The following CSNK1A1 variants were observed in gnomAD, a reference collection of about 807,000 sequenced individuals.
The protein encoded by CSNK1A1 is casein kinase I isoform alpha.
A neutral mutation model predicts 46.1 loss-of-function variants in CSNK1A1; 7 were observed. That is an observed-to-expected ratio of 0.15 (90% confidence interval 0.09 to 0.29). The LOEUF (loss-of-function observed/expected upper bound fraction) is 0.29, where lower values mean the gene tolerates loss of function less well. CSNK1A1 is among the 10% of genes least tolerant of loss of function. The pLI, the probability that CSNK1A1 is intolerant of heterozygous loss-of-function variation, is 1.00. For missense variants in CSNK1A1, 96 were observed against 417.1 expected, an observed-to-expected ratio of 0.23 and a Z score of 6.71; for synonymous variants, 137 against 141.5, an observed-to-expected ratio of 0.97 and a Z score of 0.23.
chr5:149,533,547 T>C (rs757318710), intron 2 of CSNK1A1, among the ~76,000 whole-genome samples: 21 of 152,184 alleles, frequency 1.4e-4, no homozygotes, highest in Middle Eastern at 3.2e-3. Flanking sequence ...AGGTAATTTT[T>C]TGAAAACCTG....
intron 2 of CSNK1A1, among the ~76,000 whole-genome samples, chr5:149,542,620 A>ACATGTATGTG (rs1561772256): frequency 4.7e-4 from 6 of 12,862 alleles, no homozygotes; most frequent in African/African-American, 3.5e-3. Context: ...ATATATATAT[A>ACATGTATGTG]TATATATATA....
chr5:149,501,766 C>T (rs1760864724), intron 9 of CSNK1A1: 6 of 984,994 alleles, frequency 6.1e-6, no homozygotes, highest in Non-Finnish European at 7.2e-6. Context: ...CACTGAACTT[C>T]ATTAGATTTT....
intron 3 of CSNK1A1, among the ~76,000 whole-genome samples, chr5:149,524,634 T>G (rs1346441532): frequency 1.3e-5 from 2 of 152,196 alleles, no homozygotes; most frequent in Non-Finnish European, 1.5e-5. Context: ...TCAGGACCTT[T>G]TTATCCTCAA....
chr5:149,545,797 C>T, intron 2 of CSNK1A1: 1 of 540,218 alleles, frequency 1.9e-6, no homozygotes, highest in Non-Finnish European at 3.4e-6. Flanking sequence ...TGGACTTGGC[C>T]ATGTCTGTAC....
chr5:149,545,725 A>C (rs1457350707), intron 2 of CSNK1A1: 2 of 646,512 alleles, frequency 3.1e-6, no homozygotes, highest in African/African-American at 3.7e-5. Flanking sequence ...CATGTTCCTC[A>C]GGAACCTGGA....
intron 2 of CSNK1A1, among the ~76,000 whole-genome samples, chr5:149,531,605 T>A (rs1187718305): frequency 2.7e-5 from 4 of 150,718 alleles, no homozygotes; most frequent in African/African-American, 9.8e-5. Context: ...CCCAGCACTT[T>A]GGGAGGCTGA....
intron 7 of CSNK1A1, among the ~76,000 whole-genome samples, chr5:149,508,826 C>A (rs1007283088): frequency 1.3e-5 from 2 of 152,198 alleles, no homozygotes; most frequent in African/African-American, 4.8e-5. Flanking sequence ...TGTTTATTTA[C>A]CCCTAGTTTT....
intron 2 of CSNK1A1, chr5:149,549,341 A>G (rs1042938602): frequency 1.3e-5 from 8 of 625,006 alleles, no homozygotes; most frequent in Non-Finnish European, 2.4e-5. Context: ...AGAGTAATTA[A>G]CACTTTTAAA....
intron 9 of CSNK1A1, chr5:149,505,222 C>A: frequency 8.4e-7 from 1 of 1,192,844 alleles, no homozygotes; most frequent in East Asian, 3.7e-5. Flanking sequence ...TATAAATATA[C>A]ACACATATAT....
rs147179558 is a variant in CSNK1A1 at position 149,503,918 on chromosome 5, T to C, written c.1006+1529A>G. 623 of 985,426 alleles carry C rather than the reference T, an allele frequency of 6.3e-4. 6 individuals carry two copies. The African/African-American group carries it at 0.01, about 16-fold the overall frequency. 61.0% of individuals were successfully genotyped at this position (985,426 alleles called of 1,614,324 possible). A position where few individuals can be genotyped will look rare whatever the true frequency, so the allele number is the denominator to read the frequency against. ...TTATCCCAGCTAGCTTTCGGCAAAA[T>C]TGGTTTCATTTTGTGAGAAAAAGCA... On this transcript the variant is annotated intron_variant, in intron 9 of 9. Coordinates refer to ENST00000377843, the MANE Select transcript of CSNK1A1 (RefSeq NM_001892.6).
chr5:149,548,877 G>C (rs1051700826), intron 2 of CSNK1A1, among the ~76,000 whole-genome samples: 5 of 152,188 alleles, frequency 3.3e-5, no homozygotes, highest in African/African-American at 1.2e-4. Context: ...CCAGTAAACA[G>C]TAAGTACCAT....
Position 149,493,150 on chromosome 5 carries a change from A to C in CSNK1A1, c.*3703T>G, listed in dbSNP as rs1341314589. On this transcript the variant is annotated 3_prime_UTR_variant, in exon 10 of 10. Coordinates refer to ENST00000377843, the MANE Select transcript of CSNK1A1 (RefSeq NM_001892.6). ...CAGTGGCACGATCTCAGCTCACTGC[A>C]ACCTCCATCTCCCGGGTTCAAGCGA... 1 of 152,252 alleles carries C rather than the reference A, an allele frequency of 6.6e-6. No individual in the cohort carries two copies. Among genetic ancestry groups the C allele is most frequent in the Non-Finnish European group, 1.5e-5 (1 of 68,102 alleles). 9.4% of individuals were successfully genotyped at this position (152,252 alleles called of 1,614,324 possible). A position where few individuals can be genotyped will look rare whatever the true frequency, so the allele number is the denominator to read the frequency against.
rs1162496799 is a variant in CSNK1A1 at position 149,499,967 on chromosome 5, CTTTTTTT to C, written c.1007-3114_1007-3108del. On this transcript the variant is annotated intron_variant, in intron 9 of 9. Transcript: ENST00000377843. Reference sequence around the variant, plus strand: ...GTTGTGGGGTTTTTTTTCTTTTTTTCTTTTTTTTTTTTTTTTTTTGAGACGGAGTCTC... The same window carrying C: ...GTTGTGGGGTTTTTTTTCTTTTTTTCTTTTTTTTTTTTGAGACGGAGTCTC... 8.5e-3 allele frequency among the ~76,000 whole-genome samples: 664 copies of C among 77,698 alleles called. 4 individuals carry two copies. The highest frequency in any genetic ancestry group is 0.026 in the African/African-American group (621 of 23,458). The allele number at this position is 77,698 out of a possible 152,430, so 51.0% of individuals were successfully genotyped here.
intron 2 of CSNK1A1, among the ~76,000 whole-genome samples, chr5:149,531,150 T>C (rs1252600874): frequency 6.6e-6 from 1 of 152,138 alleles, no homozygotes; most frequent in Non-Finnish European, 1.5e-5. Flanking sequence ...CATACATCTC[T>C]TCTCAGAATG....
chr5:149,542,021 C>T (rs1762249220), intron 2 of CSNK1A1, among the ~76,000 whole-genome samples: 1 of 147,160 alleles, frequency 6.8e-6, no homozygotes, highest in Non-Finnish European at 1.5e-5. Flanking sequence ...ATGACTAAAG[C>T]CAAGGATCCT....
At chr5:149,549,676 T>C (rs967889946) in intron 2 of CSNK1A1, among the ~76,000 whole-genome samples, 2 of 152,136 alleles carry the variant, frequency 1.3e-5, no homozygotes, top group Non-Finnish European at 2.9e-5. Context: ...CCAGCTCCAA[T>C]AGCAACTCGA....
intron 2 of CSNK1A1, among the ~76,000 whole-genome samples, chr5:149,546,374 C>A (rs1212931604): frequency 6.6e-6 from 1 of 151,880 alleles, no homozygotes; most frequent in African/African-American, 2.4e-5. Context: ...GTGGCTCATG[C>A]CTGTAATCCA....
intron 2 of CSNK1A1, among the ~76,000 whole-genome samples, chr5:149,541,395 C>T (rs1348421664): frequency 1.3e-5 from 2 of 151,986 alleles, no homozygotes; most frequent in Non-Finnish European, 2.9e-5. Flanking sequence ...TCAAGTGATC[C>T]GCCCGCCTTG....
intron 8 of CSNK1A1, 149 bp from the exon 9 acceptor site, chr5:149,505,744 T>C (rs1580821680): frequency 4.6e-6 from 3 of 650,110 alleles, no homozygotes; most frequent in Admixed American, 2.9e-5. Flanking sequence ...TTATTATAGA[T>C]GAAAAAGGCA....
Sources: allele counts gnomAD v4.1 joint callset (sites outside exome capture counted in the v4.1 genomes callset), GRCh38; gene constraint gnomAD v4.1.1; transcripts MANE v1.5; gene names NCBI Gene and HGNC (gene_info 2026-07-23, HGNC 2026-07-21).